The following NOC3L variants were observed in gnomAD, a reference collection of about 807,000 sequenced individuals.
NOC3L encodes the protein NOC3 like DNA replication regulator, also known as nucleolar complex protein 3 homolog.
In NOC3L, 85 loss-of-function variants were observed where a neutral mutation model predicts 102.5. The observed-to-expected ratio is 0.83, with a 90% confidence interval of 0.70 to 0.99. NOC3L has a LOEUF of 0.99. Ranked by LOEUF, NOC3L falls within the 50% of genes least tolerant of loss-of-function variation. The pLI is 0.00. For synonymous variants in NOC3L, 303 were observed against 309.4 expected (o/e 0.98, Z 0.22); for missense variants, 878 against 914.9 (o/e 0.96, Z 0.52).
chr10:94,353,011 G>A lies in NOC3L; in HGVS notation c.743C>T (p.Pro248Leu). The A allele has an allele frequency of 6.2e-7, 1 of 1,613,624 alleles. No individual in the cohort carries two copies. Among genetic ancestry groups the A allele is most frequent in the Non-Finnish European group, 8.5e-7 (1 of 1,179,744 alleles). The change falls in exon 7 of 21, where the codon CCT (proline) becomes CTT (leucine). Residue 248 changes from proline to leucine, a missense_variant. Transcript: ENST00000371361. ...CTTTCGAACAGTAACAGCCACATCAGGATCTTGTTCCATCAACATAGAACG... is the reference window on the plus strand; with the variant it reads ...CTTTCGAACAGTAACAGCCACATCAAGATCTTGTTCCATCAACATAGAACG... ...ELRSMLMEQD[P>L]DVAVTVRKLV...
intron 10 of NOC3L, among the ~76,000 whole-genome samples, chr10:94,347,627 A>G (rs2054360737): frequency 6.6e-6 from 1 of 152,152 alleles, no homozygotes; most frequent in South Asian, 2.1e-4. Context: ...TGCCAAAGGA[A>G]AACTGTGAAA....
At chr10:94,352,827 A>C in intron 7 of NOC3L, 69 bp downstream of exon 7, 1 of 1,437,786 alleles carries the variant, frequency 7.0e-7, no homozygotes. Flanking sequence ...GCCTCAAAAA[A>C]AAAAAGTCTA....
At position 94,344,798 on chromosome 10, in the gene NOC3L, T is replaced by C. The variant is rs1156965053; in HGVS notation, c.1470+55A>G. ...GCTACAAGCTGAAACAATAAATTTC[T>C]AGTTTAAACAACTTAACGCATTTTA... is the stretch of plus-strand genomic sequence containing the variant. On this transcript the variant is annotated intron_variant, in intron 12 of 20. Coordinates refer to ENST00000371361, the MANE Select transcript of NOC3L (RefSeq NM_022451.11). The C allele has an allele frequency of 6.6e-6, 9 of 1,363,252 alleles. 1 individual carries two copies. In the Admixed American group the frequency reaches 1.7e-4, roughly 26 times the overall value. The allele number at this position is 1,363,252 out of a possible 1,614,324, so 84.4% of individuals were successfully genotyped here.
At chr10:94,349,118 G>T in intron 10 of NOC3L, 132 bp downstream of exon 10, 1 of 916,494 alleles carries the variant, frequency 1.1e-6, no homozygotes, top group African/African-American at 1.8e-5. Flanking sequence ...TTCAGGAGTT[G>T]ACATGTTAAA....
intron 11 of NOC3L, 141 bp from the exon 12 acceptor site, chr10:94,345,074 AAC>A (rs1189662523): frequency 1.2e-5 from 7 of 572,114 alleles, no homozygotes; most frequent in Non-Finnish European, 2.1e-5. Context: ...AAAGTAGAGA[AAC>A]ATGGACGGGA....
the NOC3L span, among the ~76,000 whole-genome samples, chr10:94,326,579 G>A: frequency 1.1e-4 from 16 of 152,126 alleles, no homozygotes; most frequent in Non-Finnish European, 2.2e-4. Flanking sequence ...TAAAGAGCCC[G>A]ATATGTGCTA....
In NOC3L at chr10:94,334,687, T is replaced by C. The variant is rs375381157; in HGVS notation, c.2221A>G (p.Met741Val). The change falls in exon 20 of 21, where the codon ATG (methionine) becomes GTG (valine). Residue 741 changes from methionine to valine, a missense_variant. Coordinates refer to ENST00000371361, the MANE Select transcript of NOC3L (RefSeq NM_022451.11). ...GGAGGATTGAATGTCATTTCTGCCATGCTATATGCCTCAAAAAGTTCAGTA... is the reference window on the plus strand; with the variant it reads ...GGAGGATTGAATGTCATTTCTGCCACGCTATATGCCTCAAAAAGTTCAGTA... Reference protein sequence around the residue: ...SATELFEAYSMAEMTFNPPVE... With the variant: ...SATELFEAYSVAEMTFNPPVE... The C allele has an allele frequency of 8.9e-5, 144 of 1,613,226 alleles. 1 individual carries two copies. Among genetic ancestry groups the C allele is most frequent in the Middle Eastern group, 3.3e-4 (2 of 6,078 alleles).
At chr10:94,359,907 CA>C (rs150908007) in intron 2 of NOC3L, among the ~76,000 whole-genome samples, 4,135 of 151,514 alleles carry the variant, frequency 0.027, 193 homozygotes, top group African/African-American at 0.092. Flanking sequence ...GGCATGAATC[CA>C]AAAAAAAGAA....
chr10:94,322,099 G>T, the NOC3L span: 1 of 1,590,146 alleles, frequency 6.3e-7, no homozygotes, highest in East Asian at 2.2e-5. Context: ...CCTTTCCTCA[G>T]CATAAATTAT....
In NOC3L at chr10:94,346,505, C is replaced by CT; in HGVS notation, c.1308dup (p.Asp437ArgfsTer6). The CT allele has an allele frequency of 6.8e-7, 1 of 1,463,936 alleles. No individual in the cohort carries two copies. Among genetic ancestry groups the CT allele is most frequent in the Non-Finnish European group, 9.2e-7 (1 of 1,088,686 alleles). The allele number at this position is 1,463,936 out of a possible 1,614,324, so 90.7% of individuals were successfully genotyped here. On this transcript the variant is annotated frameshift_variant, in exon 11 of 21. Transcript: ENST00000371361. LOFTEE classifies it high-confidence loss of function. ...TTTGGTTTATTAATGTCTTCTGTAT[C>CT]TTTTTTCACTTCTACTTCCTTGATT...
At chr10:94,336,760 G>C (rs2133983272) in intron 19 of NOC3L, among the ~76,000 whole-genome samples, 2 of 151,386 alleles carry the variant, frequency 1.3e-5, no homozygotes, top group Admixed American at 1.3e-4. Context: ...AGTATTTCCT[G>C]TCTGTATTTA....
intron 8 of NOC3L, among the ~76,000 whole-genome samples, chr10:94,351,780 G>A (rs970418652): frequency 2.6e-5 from 4 of 150,976 alleles, no homozygotes; most frequent in Non-Finnish European, 5.9e-5. Context: ...CTCTTGCCTC[G>A]GCCTCCAAAA....
At chr10:94,362,006 A>C in intron 1 of NOC3L, 134 bp from the exon 2 acceptor site, 1 of 745,068 alleles carries the variant, frequency 1.3e-6, no homozygotes, top group South Asian at 1.5e-5. Flanking sequence ...TGCATATAAA[A>C]GCTAAAACCA....
chr10:94,353,723 G>T (rs1372277178), intron 6 of NOC3L, among the ~76,000 whole-genome samples: 1 of 152,094 alleles, frequency 6.6e-6, no homozygotes, highest in Non-Finnish European at 1.5e-5. Flanking sequence ...TAGCTATTTT[G>T]GGAAATTCTT....
intron 18 of NOC3L, 129 bp downstream of exon 18, chr10:94,338,479 A>C: frequency 9.9e-7 from 1 of 1,006,264 alleles, no homozygotes; most frequent in Middle Eastern, 2.4e-4. Flanking sequence ...TAACACAGGA[A>C]TTCTAAAAAA....
chr10:94,334,714 C>T lies in NOC3L; in HGVS notation c.2194G>A (p.Ala732Thr), dbSNP rs371037526. The change falls in exon 20 of 21, where the codon GCT becomes ACT. Residue 732 changes from alanine (A) to threonine (T), a missense_variant. Ala to Thr is a moderately conservative substitution (Grantham distance 58). Coordinates refer to ENST00000371361, the MANE Select transcript of NOC3L (RefSeq NM_022451.11). ...ALKPELSRRS[A>T]TELFEAYSMA... The stretch of plus-strand genomic sequence containing the variant: ...CTATATGCCTCAAAAAGTTCAGTAG[C>T]AGATCTAAATCACAAACACAAAAAA... 18 of 1,609,458 alleles carry T rather than the reference C, an allele frequency of 1.1e-5. No homozygotes were observed. In the African/African-American group the frequency reaches 2.0e-4, roughly 18 times the overall value.
the NOC3L span, among the ~76,000 whole-genome samples, chr10:94,317,248 CTG>C: frequency 2.0e-5 from 3 of 151,716 alleles, no homozygotes; most frequent in African/African-American, 7.3e-5. Context: ...GAACAAGACT[CTG>C]TCTCAAAAAA....
chr10:94,343,443 C>A (rs1213132286), intron 13 of NOC3L, among the ~76,000 whole-genome samples: 1 of 152,182 alleles, frequency 6.6e-6, no homozygotes, highest in Non-Finnish European at 1.5e-5. Flanking sequence ...CTCTGACCAG[C>A]CTCTCTGAAG....
intron 6 of NOC3L, among the ~76,000 whole-genome samples, chr10:94,354,131 C>T (rs2054454746): frequency 6.6e-6 from 1 of 152,164 alleles, no homozygotes; most frequent in Non-Finnish European, 1.5e-5. Context: ...CCTAATTCTG[C>T]TCTAGATCTT....
Sources: gnomAD v4.1 joint callset for allele counts (sites outside exome capture counted in the v4.1 genomes callset) on GRCh38, gnomAD v4.1.1 for gene constraint, MANE v1.5 for transcripts, NCBI Gene and HGNC (gene_info 2026-07-23, HGNC 2026-07-21) for gene names.